Variants in RAPGEF2 observed in about 807,000 individuals in gnomAD.
The protein encoded by RAPGEF2 is PDZ domain containing guanine nucleotide exchange factor (GEF) 1.
Under a neutral mutation model 186.7 loss-of-function variants are expected in RAPGEF2, and 54 were observed. The observed-to-expected ratio is 0.29, with a 90% CI of 0.23 to 0.36. The LOEUF (loss-of-function observed/expected upper bound fraction) is 0.36, where lower values mean the gene tolerates loss of function less well. Among genes scored for constraint, RAPGEF2 ranks in the 10% least tolerant of loss-of-function variants. The pLI is 1.00. For missense variants in RAPGEF2, 1,532 were observed against 2,045.0 expected (o/e 0.75, Z 4.84); for synonymous variants, 712 against 705.9 (o/e 1.01, Z -0.14).
intron 1 of RAPGEF2, among the ~76,000 whole-genome samples, chr4:159,110,984 G>T (rs903485149): frequency 2.0e-5 from 3 of 151,480 alleles, no homozygotes; most frequent in Non-Finnish European, 4.4e-5. Flanking sequence ...GTTTATTGCC[G>T]CATTATTTTG....
At chr4:159,266,311 A>G (rs1757421554) in intron 7 of RAPGEF2, among the ~76,000 whole-genome samples, 2 of 152,182 alleles carry the variant, frequency 1.3e-5, no homozygotes, top group Non-Finnish European at 2.9e-5. Context: ...GTCAAGAAAC[A>G]CAAGTCAGCA....
At chr4:159,290,198 CTGTCACACA>C (rs1272530232) in intron 7 of RAPGEF2, among the ~76,000 whole-genome samples, 1 of 152,230 alleles carries the variant, frequency 6.6e-6, no homozygotes, top group African/African-American at 2.4e-5. Flanking sequence ...TCTCAGAGTG[CTGTCACACA>C]TAGTGGGAGC....
intron 6 of RAPGEF2, among the ~76,000 whole-genome samples, chr4:159,242,147 C>CT (rs150577210): frequency 0.017 from 2,647 of 151,434 alleles, 93 homozygotes; most frequent in African/African-American, 0.061. Context: ...ACTTTAAAGC[C>CT]TTTTTTTTCT....
intron 1 of RAPGEF2, among the ~76,000 whole-genome samples, chr4:159,179,307 A>G (rs1746780594): frequency 6.7e-6 from 1 of 149,398 alleles, no homozygotes; most frequent in Non-Finnish European, 1.5e-5. Context: ...TGTGTGTCAT[A>G]GTTTTTTGAC....
intron 1 of RAPGEF2, among the ~76,000 whole-genome samples, chr4:159,138,037 A>G (rs1214689349): frequency 6.6e-6 from 1 of 152,218 alleles, no homozygotes; most frequent in Non-Finnish European, 1.5e-5. Flanking sequence ...TTTCGCACAG[A>G]CTGAATTACT....
At chr4:159,134,575 A>G (rs543270436) in intron 1 of RAPGEF2, among the ~76,000 whole-genome samples, 2 of 152,294 alleles carry the variant, frequency 1.3e-5, no homozygotes, top group Admixed American at 1.3e-4. Context: ...AAGCAGCTAT[A>G]TTGTATTTTA....
At chr4:159,270,050 C>T (rs1579693186) in intron 7 of RAPGEF2, among the ~76,000 whole-genome samples, 1 of 152,136 alleles carries the variant, frequency 6.6e-6, no homozygotes, top group Non-Finnish European at 1.5e-5. Flanking sequence ...TAAAGTAACA[C>T]TAGTGATAAA....
chr4:159,182,202 GCAAT>G (rs1408127067), intron 1 of RAPGEF2, among the ~76,000 whole-genome samples: 4 of 151,986 alleles, frequency 2.6e-5, no homozygotes, highest in African/African-American at 9.7e-5. Flanking sequence ...AAAATGAGAG[GCAAT>G]CAGTTTATTT....
chr4:159,253,075 G>C (rs1366464427), intron 7 of RAPGEF2, among the ~76,000 whole-genome samples: 2 of 152,184 alleles, frequency 1.3e-5, no homozygotes, highest in East Asian at 3.8e-4. Context: ...GTGATATGCT[G>C]TTCTGGTTGA....
intron 24 of RAPGEF2, among the ~76,000 whole-genome samples, chr4:159,345,810 A>G (rs552564439): frequency 2.0e-5 from 3 of 152,148 alleles, no homozygotes; most frequent in African/African-American, 7.2e-5. Context: ...ACAGTGAACC[A>G]CAATAGCCTT....
intron 11 of RAPGEF2, chr4:159,328,946 T>A (rs1766302656): frequency 6.6e-6 from 1 of 152,172 alleles, no homozygotes; most frequent in African/African-American, 2.4e-5. Context: ...CTAAATGCCC[T>A]ATGAAATCAT....
Position 159,267,979 on chromosome 4 carries a change from A to G in RAPGEF2, c.543+24188A>G, listed in dbSNP as rs1381441129. On this transcript the variant is annotated intron_variant, in intron 7 of 29. Coordinates refer to ENST00000691494, the MANE Select transcript of RAPGEF2 (RefSeq NM_001394067.2). ...GTTGTTCGGATTCCTTTTCTGGTCT[A>G]CAAGTGTGAAGGGTTTTTAAGCTTA... is the stretch of plus-strand genomic sequence containing the variant. 7 of 1,405,074 alleles carry G rather than the reference A, an allele frequency of 5.0e-6. 1 individual carries two copies. Among genetic ancestry groups the G allele is most frequent in the South Asian group, 3.3e-5 (2 of 61,314 alleles). The allele number at this position is 1,405,074 out of a possible 1,614,324, so 87.0% of individuals were successfully genotyped here. A position where few individuals can be genotyped will look rare whatever the true frequency, so the allele number is the denominator to read the frequency against.
chr4:159,331,633 A>G lies in RAPGEF2; in HGVS notation c.1579A>G (p.Met527Val). ...TACTGTTTCTGAACTCTTAAAGAAA[A>G]TGGGTGGACACCTAAGGCTGTTGAA... Reference protein sequence around the residue: ...EFENNLEREKMGGHLRLLNIA... With the variant: ...EFENNLEREKVGGHLRLLNIA... Residue 527 changes from methionine (M) to valine (V), a missense_variant, in exon 15 of 30, where the codon ATG (methionine) becomes GTG (valine). Met to Val is a conservative substitution (Grantham distance 21). Around this residue, in one of 4 missense-constraint regions of RAPGEF2, gnomAD observed 810 missense variants for 1,210.5 expected, o/e 0.67. Transcript: ENST00000691494. 1 of 1,614,170 alleles carries G rather than the reference A, an allele frequency of 6.2e-7. No individual in the cohort carries two copies. The highest frequency in any genetic ancestry group is 8.5e-7 in the Non-Finnish European group (1 of 1,179,996).
intron 1 of RAPGEF2, among the ~76,000 whole-genome samples, chr4:159,145,491 G>A (rs531915676): frequency 6.6e-6 from 1 of 151,308 alleles, no homozygotes; most frequent in Non-Finnish European, 1.5e-5. Context: ...CCAAAACATT[G>A]CCAAAAACAT....
chr4:159,350,438 A>T, intron 26 of RAPGEF2, 149 bp downstream of exon 26: 1 of 601,838 alleles, frequency 1.7e-6, no homozygotes, highest in Non-Finnish European at 2.5e-6. Flanking sequence ...TTTTTCCCTC[A>T]GTTTATAAAT....
At chr4:159,176,497 T>A (rs988776244) in intron 1 of RAPGEF2, among the ~76,000 whole-genome samples, 9 of 152,294 alleles carry the variant, frequency 5.9e-5, no homozygotes, top group South Asian at 2.1e-4. Flanking sequence ...TGCAAAAAAA[T>A]GTTAAAAAGG....
chr4:159,170,375 C>G (rs1384442390), intron 1 of RAPGEF2, among the ~76,000 whole-genome samples: 1 of 152,034 alleles, frequency 6.6e-6, no homozygotes, highest in African/African-American at 2.4e-5. Flanking sequence ...GCAGATTCAA[C>G]CAACCATGGA....
chr4:159,305,282 A>G (rs1763145726), intron 8 of RAPGEF2, among the ~76,000 whole-genome samples: 1 of 152,152 alleles, frequency 6.6e-6, no homozygotes, highest in Non-Finnish European at 1.5e-5. Flanking sequence ...AGATTGTACT[A>G]GTTTACATTC....
intron 5 of RAPGEF2, 195 bp from the exon 6 acceptor site, chr4:159,241,006 T>A (rs187792254): frequency 3.2e-4 from 147 of 465,096 alleles, no homozygotes; most frequent in Middle Eastern, 2.8e-3. Context: ...AAATGCCTCC[T>A]CATAAAAGAA....
Sources: gnomAD v4.1 joint callset for allele counts (sites outside exome capture counted in the v4.1 genomes callset) on GRCh38, gnomAD v4.1.1 for gene constraint, gnomAD v4.1.1 regional missense constraint, MANE v1.5 for transcripts, NCBI Gene and HGNC (gene_info 2026-07-23, HGNC 2026-07-21) for gene names.